Variants in PACRG observed in about 807,000 individuals in gnomAD.
The protein encoded by PACRG is parkin coregulated.
PACRG carries 29 observed loss-of-function variants against 29.7 expected under a neutral mutation model. The observed-to-expected ratio is 0.98, with a 90% CI of 0.73 to 1.33. The LOEUF (loss-of-function observed/expected upper bound fraction) is 1.33. PACRG is among the 40% of genes most tolerant of loss of function. The pLI, the probability that PACRG is intolerant of heterozygous loss-of-function variation, is 0.00. For synonymous variants in PACRG, 116 were observed against 118.7 expected (o/e 0.98, Z 0.15); for missense variants, 279 against 316.2 (o/e 0.88, Z 0.89).
At chr6:162,943,398 A>G (rs572272614) in intron 2 of PACRG, among the ~76,000 whole-genome samples, 135 of 152,214 alleles carry the variant, frequency 8.9e-4, no homozygotes, top group African/African-American at 3.2e-3. Flanking sequence ...GCTGTTGTGC[A>G]TTTATAAGTG....
At chr6:162,960,979 G>C (rs889061920) in intron 2 of PACRG, among the ~76,000 whole-genome samples, 7 of 117,470 alleles carry the variant, frequency 6.0e-5, no homozygotes, top group Non-Finnish European at 1.2e-4. Flanking sequence ...TAGGTCATGT[G>C]CCCATGCCAG....
intron 1 of PACRG, among the ~76,000 whole-genome samples, chr6:162,803,074 C>T (rs1437209978): frequency 6.6e-6 from 1 of 150,998 alleles, no homozygotes; most frequent in Non-Finnish European, 1.5e-5. Flanking sequence ...TGTTCAGTGA[C>T]CCCCCAAGTT....
intron 2 of PACRG, among the ~76,000 whole-genome samples, chr6:162,896,564 T>C (rs1584692547): frequency 1.3e-5 from 2 of 152,320 alleles, no homozygotes; most frequent in South Asian, 4.1e-4. Flanking sequence ...ATAAAATGTA[T>C]AGGCTACCTG....
chr6:162,989,732 TTTTC>T (rs1803256435), intron 2 of PACRG, among the ~76,000 whole-genome samples: 2 of 149,948 alleles, frequency 1.3e-5, no homozygotes, highest in Non-Finnish European at 3.0e-5. Context: ...CTTTTTTTTT[TTTTC>T]TTTTCTTTTT....
chr6:163,265,100 C>G (rs1449942276), intron 4 of PACRG, among the ~76,000 whole-genome samples: 1 of 152,186 alleles, frequency 6.6e-6, no homozygotes, highest in Non-Finnish European at 1.5e-5. Flanking sequence ...GGCTTCCACT[C>G]CTGCTGGGTG....
intron 4 of PACRG, among the ~76,000 whole-genome samples, chr6:163,289,903 A>T (rs1229212258): frequency 6.6e-6 from 1 of 151,668 alleles, no homozygotes; most frequent in Non-Finnish European, 1.5e-5. Flanking sequence ...GCTGGAGTGC[A>T]GTGGTGCCAT....
At chr6:162,763,875 G>A (rs1200167433) in intron 1 of PACRG, among the ~76,000 whole-genome samples, 3 of 150,244 alleles carry the variant, frequency 2.0e-5, no homozygotes, top group Non-Finnish European at 4.4e-5. Context: ...ACTAAAGACG[G>A]ATATCAAACA....
At chr6:163,040,778 T>C (rs1344418818) in intron 2 of PACRG, among the ~76,000 whole-genome samples, 1 of 152,246 alleles carries the variant, frequency 6.6e-6, no homozygotes, top group Non-Finnish European at 1.5e-5. Flanking sequence ...ATTTACCCAA[T>C]GCCTGTACCC....
chr6:163,275,025 G>C (rs550437519), intron 4 of PACRG, among the ~76,000 whole-genome samples: 1 of 151,870 alleles, frequency 6.6e-6, no homozygotes, highest in East Asian at 1.9e-4. Flanking sequence ...ACCAGACCCA[G>C]CTAGGTTTGT....
intron 3 of PACRG, among the ~76,000 whole-genome samples, chr6:163,069,784 A>G (rs2128277527): frequency 6.6e-6 from 1 of 152,278 alleles, no homozygotes; most frequent in East Asian, 1.9e-4. Flanking sequence ...AAATCTAGAG[A>G]AAAATATTAA....
At chr6:162,933,190 T>C (rs1392485281) in intron 2 of PACRG, among the ~76,000 whole-genome samples, 1 of 152,174 alleles carries the variant, frequency 6.6e-6, no homozygotes, top group Non-Finnish European at 1.5e-5. Context: ...TTATTTCTGG[T>C]TTTATTACAT....
chr6:163,030,245 T>C (rs1283600076), intron 2 of PACRG, among the ~76,000 whole-genome samples: 1 of 152,208 alleles, frequency 6.6e-6, no homozygotes, highest in Non-Finnish European at 1.5e-5. Context: ...TTCACTCACC[T>C]TGTGGATGAG....
intron 4 of PACRG, among the ~76,000 whole-genome samples, chr6:163,305,134 AC>A (rs1785148698): frequency 6.6e-6 from 1 of 152,198 alleles, no homozygotes; most frequent in South Asian, 2.1e-4. Context: ...TTCTGCACTT[AC>A]CAGGGGGCCA....
chr6:163,074,969 G>T (rs1465440735), intron 3 of PACRG, among the ~76,000 whole-genome samples: 8 of 151,762 alleles, frequency 5.3e-5, no homozygotes, highest in Non-Finnish European at 2.9e-5. Context: ...CTCCCGCCTG[G>T]GTCACAGAGT....
intron 4 of PACRG, among the ~76,000 whole-genome samples, chr6:163,261,770 ATT>A (rs1783334877): frequency 6.6e-6 from 1 of 152,186 alleles, no homozygotes; most frequent in Admixed American, 6.5e-5. Flanking sequence ...TATAACAACT[ATT>A]TACATAGCCT....
intron 4 of PACRG, chr6:163,179,232 G>A (rs1466328687): frequency 2.2e-6 from 1 of 455,912 alleles, no homozygotes; most frequent in South Asian, 1.5e-5. Context: ...CTCCTCCGTA[G>A]GTTCTCCTGC....
intron 1 of PACRG, among the ~76,000 whole-genome samples, chr6:162,811,826 T>G: frequency 6.6e-6 from 1 of 152,142 alleles, no homozygotes; most frequent in East Asian, 1.9e-4. Flanking sequence ...ATGCTTGGGA[T>G]TCAAAGTGTT....
upstream of PACRG, chr6:162,727,724 G>T (rs767771305): frequency 6.5e-7 from 1 of 1,533,372 alleles, no homozygotes; most frequent in Non-Finnish European, 8.8e-7. Flanking sequence ...GCGCAGCGGC[G>T]CCAGCCGCGC....
chr6:163,032,400 G>C (rs1012413676), intron 2 of PACRG, among the ~76,000 whole-genome samples: 2 of 152,092 alleles, frequency 1.3e-5, no homozygotes, highest in African/African-American at 4.8e-5. Flanking sequence ...GCATTCAAGA[G>C]CACCTGTCAA....
Sources: gnomAD v4.1 joint callset for allele counts (sites outside exome capture counted in the v4.1 genomes callset) on GRCh38, gnomAD v4.1.1 for gene constraint, MANE v1.5 for transcripts, NCBI Gene and HGNC (gene_info 2026-07-23, HGNC 2026-07-21) for gene names.